Variants in SMC4 observed in about 807,000 individuals in gnomAD.
SMC4 encodes structural maintenance of chromosomes protein 4.
In SMC4, 87 loss-of-function variants were observed where a neutral mutation model predicts 145.6. The observed-to-expected ratio is 0.60, with a 90% CI of 0.50 to 0.71. The LOEUF is 0.71. SMC4 is among the 30% of genes least tolerant of loss of function. The pLI is 0.00. For missense variants in SMC4, 1,447 were observed against 1,537.1 expected (o/e 0.94, Z 0.98); for synonymous variants, 558 against 500.7 (o/e 1.11, Z -1.53).
chr3:160,428,769 T>A lies in SMC4; in HGVS notation c.2622T>A (p.Ala874=). 3 of 1,585,954 alleles carry A rather than the reference T, an allele frequency of 1.9e-6. No homozygotes were observed. The highest frequency in any genetic ancestry group is 2.6e-6 in the Non-Finnish European group (3 of 1,173,260). ...TAATTTCAGAATATGATGCTGTGGC[T>A]GAGAAAGCTGGTAAAGTAGAAGCTG... is the stretch of plus-strand genomic sequence containing the variant. ...SAFKTEYDAV[A]EKAGKVEAEV... Residue 874 remains alanine, a synonymous_variant, in exon 18 of 24, where the codon GCT becomes GCA. Transcript: ENST00000357388.
chr3:160,432,173 G>GC lies in SMC4; in HGVS notation c.3298-108dup, dbSNP rs1718481360. 5.8e-6 allele frequency: 5 copies of GC among 861,208 alleles called. No homozygotes were observed. The South Asian group carries it at 8.9e-5, about 15-fold the overall frequency. 53.3% of individuals were successfully genotyped at this position (861,208 alleles called of 1,614,324 possible). A position where few individuals can be genotyped will look rare whatever the true frequency, so the allele number is the denominator to read the frequency against. ...GCCGAGATCGCGCCATTGCACTCCAGCCTGGGCGTCAGGGCAAGACTACGT... is the reference window on the plus strand; with the variant it reads ...GCCGAGATCGCGCCATTGCACTCCAGCCCTGGGCGTCAGGGCAAGACTACGT... On this transcript the variant is annotated intron_variant, in intron 21 of 23. Transcript: ENST00000357388.
intron 7 of SMC4, among the ~76,000 whole-genome samples, chr3:160,413,027 G>A (rs945476633): frequency 2.6e-5 from 4 of 152,036 alleles, no homozygotes; most frequent in Non-Finnish European, 5.9e-5. Context: ...TCAACCTTCC[G>A]GACTCAGTTG....
Position 160,401,916 on chromosome 3 carries a change from G to A in SMC4, c.141G>A (p.Glu47=), listed in dbSNP as rs1490073814. 1.9e-6 allele frequency: 3 copies of A among 1,599,240 alleles called. No individual in the cohort carries two copies. In the East Asian group the frequency reaches 6.9e-5, roughly 37 times the overall value. ...TTTCCTTTCCTTTCACTGACTTAGA[G>A]ACTGCAAGTGAGGAACTTGATAATA... ...GRTESPATAA[E]TASEELDNRS... is the part of the protein sequence containing the mutation. The change falls in exon 3 of 24, where the codon GAG becomes GAA. Residue 47 remains glutamate (E), a splice_region_variant and synonymous_variant. Transcript: ENST00000357388.
In SMC4 at chr3:160,434,951, C is replaced by G. The variant is rs984084647; in HGVS notation, c.*1142C>G. On this transcript the variant is annotated 3_prime_UTR_variant, in exon 24 of 24. Coordinates refer to ENST00000357388, the MANE Select transcript of SMC4 (RefSeq NM_001002800.3). ...CTTTTAAATAAAGATTTAAAGAAAG[C>G]AAGATCGGAAATTCAAGTACGGTAA... 5 of 152,026 alleles carry G rather than the reference C, an allele frequency of 3.3e-5. No individual in the cohort carries two copies. The highest frequency in any genetic ancestry group is 2.6e-4 in the Admixed American group (4 of 15,264). 9.4% of individuals were successfully genotyped at this position (152,026 alleles called of 1,614,324 possible).
rs73875276 is a variant in SMC4, at chr3:160,430,550, A to T, written c.2796-49A>T. On this transcript the variant is annotated intron_variant, in intron 18 of 23. Transcript: ENST00000357388. Reference sequence around the variant, plus strand: ...GTTCTTTAGTAGGTTTTCAGAAACAATAACAAATCACCTTACCACATTTTT... The same window carrying T: ...GTTCTTTAGTAGGTTTTCAGAAACATTAACAAATCACCTTACCACATTTTT... 20 of 1,457,144 alleles carry T rather than the reference A, an allele frequency of 1.4e-5. No homozygotes were observed. In the South Asian group the frequency reaches 2.8e-4, roughly 21 times the overall value. The allele number at this position is 1,457,144 out of a possible 1,614,324, so 90.3% of individuals were successfully genotyped here.
intron 15 of SMC4, 42 bp from the exon 16 acceptor site, chr3:160,424,825 C>G (rs374115479): frequency 6.2e-7 from 1 of 1,608,062 alleles, no homozygotes; most frequent in South Asian, 1.1e-5. Flanking sequence ...GTTGACTTTT[C>G]TGTCAATCTG....
At chr3:160,418,131 A>G (rs750114330) in intron 11 of SMC4, among the ~76,000 whole-genome samples, 175 bp downstream of exon 11, 3 of 152,190 alleles carry the variant, frequency 2.0e-5, no homozygotes, top group Non-Finnish European at 4.4e-5. Context: ...GAGACTATCA[A>G]GAAACTATAT....
intron 6 of SMC4, 58 bp downstream of exon 6, chr3:160,412,142 A>G: frequency 6.4e-7 from 1 of 1,556,574 alleles, no homozygotes; most frequent in Non-Finnish European, 8.7e-7. Context: ...GATCTAACAA[A>G]TTTTAGTAAG....
rs1714834373 is a variant in SMC4 at position 160,402,661 on chromosome 3, G to GT, written c.319-8dup. ...ATGAACTTTTCCGTGTTTTGTTTTTGTTTTTTTAATGCAGCGCTTTTCCTG... is the reference window on the plus strand; with the variant it reads ...ATGAACTTTTCCGTGTTTTGTTTTTGTTTTTTTTAATGCAGCGCTTTTCCTG... On this transcript the variant is annotated splice_polypyrimidine_tract_variant and intron_variant, in intron 3 of 23. Coordinates refer to ENST00000357388, the MANE Select transcript of SMC4 (RefSeq NM_001002800.3). The GT allele has an allele frequency of 5.0e-6, 8 of 1,592,138 alleles. No individual in the cohort carries two copies. In the East Asian group the frequency reaches 6.8e-5, roughly 13 times the overall value.
At chr3:160,429,039 C>A in intron 18 of SMC4, 97 bp downstream of exon 18, 1 of 1,050,076 alleles carries the variant, frequency 9.5e-7, no homozygotes, top group African/African-American at 1.7e-5. Flanking sequence ...GTTTCTCTTA[C>A]TGTTAATTTA....
chr3:160,401,013 C>T (rs1016089475), intron 2 of SMC4, 48 bp downstream of exon 2: 90 of 1,362,200 alleles, frequency 6.6e-5, no homozygotes, highest in Non-Finnish European at 7.8e-5. Context: ...GTGGGACTGG[C>T]AGGCAAACGC....
intron 20 of SMC4, 39 bp from the exon 21 acceptor site, chr3:160,431,604 T>A (rs761434476): frequency 1.4e-6 from 2 of 1,433,004 alleles, no homozygotes; most frequent in Non-Finnish European, 1.9e-6. Context: ...GTATGTAATA[T>A]TATGCCTTCT....
In SMC4 at chr3:160,413,739, C is replaced by T; in HGVS notation, c.1121+126C>T. ...TGCCAGCATATCAAGTGGTGGCCCC[C>T]TTAGTGAAAAAAAAAAACTTGCCTT... On this transcript the variant is annotated intron_variant, in intron 8 of 23. Coordinates refer to ENST00000357388, the MANE Select transcript of SMC4 (RefSeq NM_001002800.3). 6.9e-6 allele frequency: 4 copies of T among 578,746 alleles called. No homozygotes were observed. In the South Asian group the frequency reaches 1.1e-4, roughly 16 times the overall value. The allele number at this position is 578,746 out of a possible 1,614,324, so 35.9% of individuals were successfully genotyped here. A position where few individuals can be genotyped will look rare whatever the true frequency, so the allele number is the denominator to read the frequency against.
intron 5 of SMC4, among the ~76,000 whole-genome samples, chr3:160,409,775 A>G (rs1715776876): frequency 6.6e-6 from 1 of 152,192 alleles, no homozygotes; most frequent in Admixed American, 6.5e-5. Flanking sequence ...GATTTAAACT[A>G]CAACTTCTAG....
intron 1 of SMC4, chr3:160,400,364 G>A (rs1714415328): frequency 6.5e-6 from 1 of 153,090 alleles, no homozygotes; most frequent in Admixed American, 6.5e-5. Context: ...GCTCTGGAGA[G>A]AGTTGCTAGC....
intron 4 of SMC4, chr3:160,404,040 T>C (rs1715023913): frequency 6.5e-6 from 2 of 307,946 alleles, no homozygotes; most frequent in Admixed American, 5.2e-5. Flanking sequence ...CTACGTCTTC[T>C]CAATCATAAA....
intron 4 of SMC4, 163 bp from the exon 5 acceptor site, chr3:160,404,165 G>C (rs990039550): frequency 6.8e-6 from 4 of 587,228 alleles, no homozygotes; most frequent in African/African-American, 2.0e-5. Context: ...TCAATTCTTT[G>C]CTAAGTTGGG....
At position 160,428,767 on chromosome 3, in the gene SMC4, G is replaced by T. The variant is rs767825909; in HGVS notation, c.2620G>T (p.Ala874Ser). 1 of 1,584,730 alleles carries T rather than the reference G, an allele frequency of 6.3e-7. No individual in the cohort carries two copies. ...SAFKTEYDAV[A>S]EKAGKVEAEV... is the part of the protein sequence containing the mutation. ...TTTAATTTCAGAATATGATGCTGTG[G>T]CTGAGAAAGCTGGTAAAGTAGAAGC... Residue 874 changes from alanine (A) to serine (S), a missense_variant, in exon 18 of 24, where the codon GCT (alanine) becomes TCT (serine). By Grantham distance (99) the Ala-to-Ser change is moderately conservative. Coordinates refer to ENST00000357388, the MANE Select transcript of SMC4 (RefSeq NM_001002800.3).
At position 160,432,535 on chromosome 3, in the gene SMC4, T is replaced by G; in HGVS notation, c.3530+20T>G. The G allele has an allele frequency of 7.0e-7, 1 of 1,431,750 alleles. No homozygotes were observed. Among genetic ancestry groups the G allele is most frequent in the Non-Finnish European group, 9.6e-7 (1 of 1,046,014 alleles). 88.7% of individuals were successfully genotyped at this position (1,431,750 alleles called of 1,614,324 possible). On this transcript the variant is annotated intron_variant, in intron 22 of 23. Transcript: ENST00000357388. ...GTTCAGGTGTGTAATTATGCTGAGT[T>G]TATAATCCCACTGTTACCTTTTTCT... is the stretch of plus-strand genomic sequence containing the variant.
Sources: gnomAD v4.1 joint callset for allele counts (sites outside exome capture counted in the v4.1 genomes callset) on GRCh38, gnomAD v4.1.1 for gene constraint, MANE v1.5 for transcripts, NCBI Gene and HGNC (gene_info 2026-07-23, HGNC 2026-07-21) for gene names.